The following CTNNA3 variants were observed in gnomAD, a reference collection of about 807,000 sequenced individuals.
CTNNA3 encodes the protein catenin alpha 3.
A neutral mutation model predicts 95.7 loss-of-function variants in CTNNA3; 76 were observed. The observed-to-expected ratio is 0.79, with a 90% CI of 0.66 to 0.96. CTNNA3 has a LOEUF of 0.96. Among genes scored for constraint, CTNNA3 ranks in the 40% least tolerant of loss-of-function variants. The probability of loss-of-function intolerance (pLI) is 0.00; values close to 1 mark genes in which losing one functional copy is unlikely to be tolerated. For synonymous variants in CTNNA3, 431 were observed against 374.4 expected (o/e 1.15, Z -1.74); for missense variants, 1,191 against 1,089.8 (o/e 1.09, Z -1.31).
chr10:66,625,095 G>T (rs1318083144), intron 9 of CTNNA3, among the ~76,000 whole-genome samples: 3 of 152,072 alleles, frequency 2.0e-5, no homozygotes, highest in African/African-American at 7.2e-5. Context: ...TACCAATATT[G>T]TAATAATTTA....
intron 5 of CTNNA3, among the ~76,000 whole-genome samples, chr10:67,488,011 A>T (rs1160316021): frequency 1.3e-5 from 2 of 152,236 alleles, no homozygotes; most frequent in African/African-American, 4.8e-5. Context: ...ACACTGTCTA[A>T]CAATTTAATA....
At chr10:66,658,805 C>T (rs752648935) in intron 9 of CTNNA3, among the ~76,000 whole-genome samples, 3 of 152,244 alleles carry the variant, frequency 2.0e-5, no homozygotes, top group Admixed American at 6.5e-5. Context: ...GCGATCCTCA[C>T]ACCTCAGCCA....
chr10:66,934,844 A>G (rs1415433440), intron 7 of CTNNA3, among the ~76,000 whole-genome samples: 1 of 152,170 alleles, frequency 6.6e-6, no homozygotes, highest in Non-Finnish European at 1.5e-5. Context: ...CATCAATTAC[A>G]TCTATGCAGG....
At chr10:66,747,151 C>T (rs1354973113) in intron 9 of CTNNA3, among the ~76,000 whole-genome samples, 1 of 152,154 alleles carries the variant, frequency 6.6e-6, no homozygotes, top group Non-Finnish European at 1.5e-5. Flanking sequence ...AATGTTTTGA[C>T]TTTATTTCAC....
intron 1 of CTNNA3, among the ~76,000 whole-genome samples, chr10:67,650,851 C>T (rs552406364): frequency 6.6e-6 from 1 of 152,206 alleles, no homozygotes; most frequent in African/African-American, 2.4e-5. Flanking sequence ...CAGTGGAAAA[C>T]TATTCATTTC....
At chr10:67,184,743 C>G (rs187054478) in intron 6 of CTNNA3, among the ~76,000 whole-genome samples, 1 of 152,290 alleles carries the variant, frequency 6.6e-6, no homozygotes, top group Admixed American at 6.5e-5. Context: ...TCCCTATAAA[C>G]CTTTTATAAA....
At position 66,146,420 on chromosome 10, in the gene CTNNA3, T is replaced by A. The variant is rs138971923; in HGVS notation, c.1885-43171A>T. ...GTTACTCCAAACTTTCATGCAAGTA[T>A]TCATTAGACCTCTCCCACTCTCTGG... On this transcript the variant is annotated intron_variant, in intron 13 of 17. Coordinates refer to ENST00000433211, the MANE Select transcript of CTNNA3 (RefSeq NM_013266.4). Among the ~76,000 whole-genome samples the A allele has an allele frequency of 2.2e-3, 331 of 152,292 alleles. 1 individual carries two copies. The Middle Eastern group carries it at 0.024, about 11-fold the overall frequency.
intron 9 of CTNNA3, among the ~76,000 whole-genome samples, chr10:66,647,511 C>CTTTTTTTTTTTTTTTTTTTT (rs59117038): frequency 6.8e-6 from 1 of 146,486 alleles, no homozygotes; most frequent in Non-Finnish European, 1.5e-5. Flanking sequence ...AAAAATTACT[C>CTTTTTTTTTTTTTTTTTTTT]TTTTTTTTTT....
At position 66,456,606 on chromosome 10, in the gene CTNNA3, G is replaced by T. The variant is rs77340202; in HGVS notation, c.1531+64011C>A. ...CAGAAGGATCATTTGAACCTGGGAGGCAGAAGTTGTGGTGAGCCTAGATCA... is the reference window on the plus strand; with the variant it reads ...CAGAAGGATCATTTGAACCTGGGAGTCAGAAGTTGTGGTGAGCCTAGATCA... On this transcript the variant is annotated intron_variant, in intron 11 of 17. Transcript: ENST00000433211. 2.5e-3 allele frequency among the ~76,000 whole-genome samples: 381 copies of T among 152,054 alleles called. 6 individuals carry two copies. The East Asian group carries it at 0.053, about 21-fold the overall frequency.
chr10:67,623,520 G>A (rs1434421971), intron 2 of CTNNA3, among the ~76,000 whole-genome samples: 2 of 152,114 alleles, frequency 1.3e-5, no homozygotes, highest in African/African-American at 4.8e-5. Flanking sequence ...CATGGTGCTT[G>A]GAAAAGCTAG....
intron 10 of CTNNA3, among the ~76,000 whole-genome samples, chr10:66,566,641 C>T (rs1842715701): frequency 6.6e-6 from 1 of 152,044 alleles, no homozygotes. Flanking sequence ...ATGTGAATCT[C>T]CTTCCCATCG....
chr10:66,474,198 C>T (rs895200347), intron 11 of CTNNA3, among the ~76,000 whole-genome samples: 2 of 151,988 alleles, frequency 1.3e-5, no homozygotes, highest in Admixed American at 6.6e-5. Context: ...TAGCCATTGA[C>T]GAACGTCTCT....
intron 11 of CTNNA3, among the ~76,000 whole-genome samples, chr10:66,415,114 C>T (rs1293717042): frequency 2.0e-5 from 3 of 152,106 alleles, no homozygotes; most frequent in Non-Finnish European, 4.4e-5. Context: ...TCAAGCATTC[C>T]ACAATGACTT....
intron 8 of CTNNA3, 122 bp from the exon 9 acceptor site, chr10:66,766,538 C>G (rs915212626): frequency 1.2e-6 from 1 of 817,112 alleles, no homozygotes; most frequent in Non-Finnish European, 1.8e-6. Context: ...CCTAAAATCA[C>G]AATACTTAAA....
Position 66,331,342 on chromosome 10 carries a change from G to GTTTTT in CTNNA3, c.1732+47805_1732+47809dup, listed in dbSNP as rs60709020. 1.5e-3 allele frequency among the ~76,000 whole-genome samples: 117 copies of GTTTTT among 80,302 alleles called. 2 individuals carry two copies. Among genetic ancestry groups the GTTTTT allele is most frequent in the Non-Finnish European group, 1.9e-3 (79 of 42,036 alleles). 52.7% of individuals were successfully genotyped at this position (80,302 alleles called of 152,430 possible). A position where few individuals can be genotyped will look rare whatever the true frequency, so the allele number is the denominator to read the frequency against. ...ATATGGACTCCTTTCCCCATTGTTT[G>GTTTTT]TTTTTTTTTTTTTTTTTTTTTTTTT... On this transcript the variant is annotated intron_variant, in intron 12 of 17. Transcript: ENST00000433211.
intron 15 of CTNNA3, among the ~76,000 whole-genome samples, chr10:66,050,297 T>G (rs2079920206): frequency 6.6e-6 from 1 of 151,724 alleles, no homozygotes; most frequent in African/African-American, 2.4e-5. Context: ...GAACTCTCTA[T>G]CATCCTCAGA....
At chr10:66,031,142 G>A (rs2169664) in intron 15 of CTNNA3, among the ~76,000 whole-genome samples, 67,190 of 151,946 alleles carry the variant, frequency 0.44, 15,168 homozygotes, top group Admixed American at 0.54. Flanking sequence ...ATGGAAACTC[G>A]ATTGGAGATT....
At chr10:67,455,307 G>A (rs996297337) in intron 5 of CTNNA3, among the ~76,000 whole-genome samples, 7 of 152,024 alleles carry the variant, frequency 4.6e-5, no homozygotes, top group African/African-American at 1.7e-4. Context: ...ATAGAACTGT[G>A]CAAGAAATCA....
chr10:66,151,677 G>A (rs1271819435), intron 13 of CTNNA3, among the ~76,000 whole-genome samples: 1 of 151,920 alleles, frequency 6.6e-6, no homozygotes, highest in East Asian at 1.9e-4. Context: ...AGCCACTGAA[G>A]GGAAACAAGA....
Sources: allele counts gnomAD v4.1 joint callset (sites outside exome capture counted in the v4.1 genomes callset), GRCh38; gene constraint gnomAD v4.1.1; transcripts MANE v1.5; gene names NCBI Gene and HGNC (gene_info 2026-07-23, HGNC 2026-07-21).